The following NRXN2 variants were observed in gnomAD, a reference collection of about 807,000 sequenced individuals.
NRXN2 encodes the protein neurexin 2.
Under a neutral mutation model 128.8 loss-of-function variants are expected in NRXN2, and 29 were observed. The ratio of observed to expected loss-of-function variants is 0.23; its 90% confidence interval spans 0.17 to 0.31. The LOEUF is 0.31. Ranked by LOEUF, NRXN2 falls within the 10% of genes least tolerant of loss-of-function variation. NRXN2 has a pLI of 1.00. For synonymous variants in NRXN2, 1,098 were observed against 1,075.2 expected, an observed-to-expected ratio of 1.02 and a Z score of -0.41; for missense variants, 1,881 against 2,452.6, an observed-to-expected ratio of 0.77 and a Z score of 4.92.
At chr11:64,639,688 T>G (rs1171824316) in intron 17 of NRXN2, among the ~76,000 whole-genome samples, 1 of 148,442 alleles carries the variant, frequency 6.7e-6, no homozygotes, top group African/African-American at 2.5e-5. Context: ...ACAGGAAGAG[T>G]TGGGGGGGAT....
At position 64,667,767 on chromosome 11, in the gene NRXN2, C is replaced by A. The variant is rs2050088958; in HGVS notation, c.1360-79G>T. On this transcript the variant is annotated intron_variant, in intron 8 of 22. Coordinates refer to ENST00000265459, the MANE Select transcript of NRXN2 (RefSeq NM_015080.4). This position sits in a 1 kb window ranked among gnomAD's most constrained non-coding sequence, Gnocchi z 5.6. ...GGCCACTCCCACCCAGCAGCGAGCA[C>A]CAGGGGACCCAGCCACCCACCCCTG... is the stretch of plus-strand genomic sequence containing the variant. The A allele has an allele frequency of 7.2e-7, 1 of 1,390,386 alleles. No homozygotes were observed. The highest frequency in any genetic ancestry group is 1.4e-5 in the African/African-American group (1 of 70,876). 86.1% of individuals were successfully genotyped at this position (1,390,386 alleles called of 1,614,324 possible).
At position 64,667,813 on chromosome 11, in the gene NRXN2, C is replaced by G; in HGVS notation, c.1360-125G>C. 1.2e-6 allele frequency: 1 copy of G among 844,542 alleles called. No individual in the cohort carries two copies. Among genetic ancestry groups the G allele is most frequent in the Non-Finnish European group, 1.9e-6 (1 of 512,960 alleles). The allele number at this position is 844,542 out of a possible 1,614,324, so 52.3% of individuals were successfully genotyped here. A position where few individuals can be genotyped will look rare whatever the true frequency, so the allele number is the denominator to read the frequency against. ...CCCTGTAGCCCCTGCTCAGTTCCAC[C>G]AGACCACCCGCTTAGGCCTCTGTTC... On this transcript the variant is annotated intron_variant, in intron 8 of 22. Coordinates refer to ENST00000265459, the MANE Select transcript of NRXN2 (RefSeq NM_015080.4). The surrounding 1 kb of genome is among the most constrained non-coding windows in gnomAD (Gnocchi z 5.6).
At chr11:64,642,570 G>A in intron 17 of NRXN2, 2 of 1,611,094 alleles carry the variant, frequency 1.2e-6, no homozygotes, top group Non-Finnish European at 1.7e-6. Context: ...AGGGCATGCG[G>A]TTGATGGCGA....
At position 64,651,738 on chromosome 11, in the gene NRXN2, G is replaced by T; in HGVS notation, c.2537-102C>A. 3.1e-6 allele frequency: 4 copies of T among 1,307,104 alleles called. No individual in the cohort carries two copies. Among genetic ancestry groups the T allele is most frequent in the South Asian group, 1.3e-5 (1 of 79,870 alleles). The allele number at this position is 1,307,104 out of a possible 1,614,324, so 81.0% of individuals were successfully genotyped here. On this transcript the variant is annotated intron_variant, in intron 13 of 22. Transcript: ENST00000265459. This position sits in a 1 kb window ranked among gnomAD's most constrained non-coding sequence, Gnocchi z 5.9. ...CTCCACAGGAGGGCCACCCATGAGTGACATCTTTAGAGATGTCCTCGGCTA... is the reference window on the plus strand; with the variant it reads ...CTCCACAGGAGGGCCACCCATGAGTTACATCTTTAGAGATGTCCTCGGCTA...
At chr11:64,688,216 G>A in intron 5 of NRXN2, 1 of 878,652 alleles carries the variant, frequency 1.1e-6, no homozygotes, top group Non-Finnish European at 1.4e-6. Flanking sequence ...CCTCAGCCCT[G>A]CCTCCAGTCT....
intron 4 of NRXN2, among the ~76,000 whole-genome samples, chr11:64,692,049 G>A (rs1016785299): frequency 1.9e-4 from 29 of 152,192 alleles, no homozygotes; most frequent in Non-Finnish European, 2.9e-5. Context: ...GGACTCCTGA[G>A]TTCTGTCTCC....
chr11:64,634,187 A>G (rs943859261), intron 18 of NRXN2, among the ~76,000 whole-genome samples: 1 of 152,018 alleles, frequency 6.6e-6, no homozygotes, highest in African/African-American at 2.4e-5. Flanking sequence ...CAGCCCACAA[A>G]GCCTGGCCAG....
intron 11 of NRXN2, among the ~76,000 whole-genome samples, chr11:64,656,969 A>T (rs2048366753): frequency 6.6e-6 from 1 of 152,078 alleles, no homozygotes; most frequent in African/African-American, 2.4e-5. Context: ...AAGCGATCCC[A>T]CCTAGTGGTC....
At chr11:64,702,085 G>A (rs1182153167) in intron 2 of NRXN2, among the ~76,000 whole-genome samples, 12 of 149,272 alleles carry the variant, frequency 8.0e-5, no homozygotes, top group Non-Finnish European at 6.0e-5. Flanking sequence ...ACTGGGAAGT[G>A]AGGAGCCCCT....
chr11:64,613,097 G>A (rs1283168963), intron 22 of NRXN2, among the ~76,000 whole-genome samples: 6 of 152,248 alleles, frequency 3.9e-5, no homozygotes, highest in South Asian at 2.1e-4. Context: ...CAAGGGCAGA[G>A]GCCAGGGTAT....
chr11:64,618,713 C>T (rs1254647226), intron 22 of NRXN2, among the ~76,000 whole-genome samples: 1 of 152,150 alleles, frequency 6.6e-6, no homozygotes, highest in Non-Finnish European at 1.5e-5. Flanking sequence ...GAAGTAACAG[C>T]ACTCAGCAGA....
intron 17 of NRXN2, among the ~76,000 whole-genome samples, chr11:64,639,691 G>A (rs906378341): frequency 6.6e-6 from 1 of 152,006 alleles, no homozygotes; most frequent in Non-Finnish European, 1.5e-5. Flanking sequence ...GGAAGAGTTG[G>A]GGGGGATGGC....
At chr11:64,639,538 T>C (rs1050563406) in intron 17 of NRXN2, among the ~76,000 whole-genome samples, 1 of 151,998 alleles carries the variant, frequency 6.6e-6, no homozygotes, top group Non-Finnish European at 1.5e-5. Flanking sequence ...GAAACCAGAA[T>C]TGGGGATCCA....
chr11:64,709,434 C>T (rs1037887699), intron 2 of NRXN2, among the ~76,000 whole-genome samples: 5 of 151,532 alleles, frequency 3.3e-5, no homozygotes, highest in African/African-American at 1.2e-4. Flanking sequence ...ATAATGAGCA[C>T]AAGATATTAT....
intron 1 of NRXN2, among the ~76,000 whole-genome samples, chr11:64,722,433 T>C (rs2057457957): frequency 6.6e-6 from 1 of 151,942 alleles, no homozygotes; most frequent in Non-Finnish European, 1.5e-5. Context: ...TCTTCTCCCC[T>C]TGGCTCCCAT....
intron 11 of NRXN2, among the ~76,000 whole-genome samples, chr11:64,658,947 C>T (rs1269695581): frequency 6.6e-6 from 1 of 152,204 alleles, no homozygotes; most frequent in East Asian, 1.9e-4. Context: ...TCACATGAAC[C>T]CGGGAGGCAG....
intron 22 of NRXN2, among the ~76,000 whole-genome samples, chr11:64,612,936 C>G (rs912005174): frequency 6.6e-6 from 1 of 152,250 alleles, no homozygotes; most frequent in Non-Finnish European, 1.5e-5. Context: ...GGACACGGTC[C>G]TGTTCTGGTG....
At chr11:64,664,309 T>C (rs547925333) in intron 9 of NRXN2, among the ~76,000 whole-genome samples, 11 of 150,478 alleles carry the variant, frequency 7.3e-5, no homozygotes, top group Admixed American at 4.6e-4. Flanking sequence ...AAACCCTGTC[T>C]CTAGTTAAAA....
intron 2 of NRXN2, among the ~76,000 whole-genome samples, chr11:64,709,079 C>G (rs1272740455): frequency 6.6e-6 from 1 of 151,508 alleles, no homozygotes; most frequent in African/African-American, 2.4e-5. Flanking sequence ...GTAATCCCAG[C>G]TACTCAGGAG....
Sources: allele counts gnomAD v4.1 joint callset (sites outside exome capture counted in the v4.1 genomes callset), GRCh38; gene constraint gnomAD v4.1.1; non-coding constraint Gnocchi (gnomAD v3.1); transcripts MANE v1.5; gene names NCBI Gene and HGNC (gene_info 2026-07-23, HGNC 2026-07-21).